Variants in FSTL5 observed in about 807,000 individuals in gnomAD.
The protein encoded by FSTL5 is follistatin-related protein 5.
FSTL5 carries 62 observed loss-of-function variants against 89.1 expected under a neutral mutation model. The observed-to-expected ratio is 0.70, with a 90% CI of 0.57 to 0.86. FSTL5 has a LOEUF of 0.86. FSTL5 is among the 40% of genes least tolerant of loss of function. The probability of loss-of-function intolerance (pLI) is 0.00; values close to 1 mark genes in which losing one functional copy is unlikely to be tolerated. For synonymous variants in FSTL5, 383 were observed against 346.2 expected, an observed-to-expected ratio of 1.11 and a Z score of -1.18; for missense variants, 1,057 against 1,001.6, an observed-to-expected ratio of 1.06 and a Z score of -0.75.
intron 3 of FSTL5, among the ~76,000 whole-genome samples, chr4:161,977,627 A>ATAATAAT (rs1553988105): frequency 2.1e-4 from 19 of 92,314 alleles, no homozygotes; most frequent in South Asian, 1.0e-3. Flanking sequence ...AAAAAAAAAA[A>ATAATAAT]AAAAAAAAAA....
chr4:161,685,947 TGA>T (rs1292953488), intron 6 of FSTL5, among the ~76,000 whole-genome samples: 1 of 152,156 alleles, frequency 6.6e-6, no homozygotes, highest in Non-Finnish European at 1.5e-5. Context: ...CCAATTTTGC[TGA>T]GAGTTTTAAT....
intron 12 of FSTL5, among the ~76,000 whole-genome samples, chr4:161,481,761 C>T (rs994669565): frequency 6.6e-5 from 10 of 152,162 alleles, no homozygotes; most frequent in Non-Finnish European, 1.2e-4. Context: ...TATTCTGCTT[C>T]CTTACCTTAG....
intron 4 of FSTL5, among the ~76,000 whole-genome samples, chr4:161,831,557 T>C (rs1730845457): frequency 6.6e-6 from 1 of 151,934 alleles, no homozygotes; most frequent in African/African-American, 2.4e-5. Context: ...CACATCACGC[T>C]CATCAATTTT....
At position 161,606,609 on chromosome 4, in the gene FSTL5, C is replaced by G. The variant is rs553520844; in HGVS notation, c.895-19034G>C. Among the ~76,000 whole-genome samples the G allele has an allele frequency of 3.3e-5, 5 of 152,206 alleles. No individual in the cohort carries two copies. The East Asian group carries it at 7.7e-4, about 24-fold the overall frequency. ...TTACCTTAAGCTGAGATTTCTTTCT[C>G]AGTTGATCACCTTTTAAAAGTTAAT... On this transcript the variant is annotated intron_variant, in intron 7 of 15. Coordinates refer to ENST00000306100, the MANE Select transcript of FSTL5 (RefSeq NM_020116.5).
chr4:161,682,526 C>T (rs552184197), intron 6 of FSTL5, among the ~76,000 whole-genome samples: 72 of 152,046 alleles, frequency 4.7e-4, no homozygotes, highest in African/African-American at 1.6e-3. Flanking sequence ...TTTTAAAATT[C>T]GGAAAACTTT....
chr4:162,099,230 C>T (rs1730888895), intron 2 of FSTL5, among the ~76,000 whole-genome samples: 1 of 152,034 alleles, frequency 6.6e-6, no homozygotes, highest in African/African-American at 2.4e-5. Context: ...TAAGTGTCTA[C>T]ATACATCCAA....
intron 1 of FSTL5, among the ~76,000 whole-genome samples, chr4:162,128,431 C>T (rs1258650616): frequency 1.3e-5 from 2 of 152,246 alleles, no homozygotes; most frequent in East Asian, 1.9e-4. Context: ...GAACAGTACC[C>T]TTATGAAAAA....
chr4:161,806,712 T>G (rs1729977278), intron 4 of FSTL5, among the ~76,000 whole-genome samples: 1 of 152,094 alleles, frequency 6.6e-6, no homozygotes, highest in Non-Finnish European at 1.5e-5. Flanking sequence ...TCAAGTAATA[T>G]AGCTTTCACA....
chr4:161,533,449 A>G lies in FSTL5; in HGVS notation c.1312+4717T>C, dbSNP rs184077441. ...CTCAGAGACTATTATGAACACCTCT[A>G]TGCACACGAATTAGAAAATCAAGAT... On this transcript the variant is annotated intron_variant, in intron 10 of 15. Transcript: ENST00000306100. 2.9e-4 allele frequency among the ~76,000 whole-genome samples: 44 copies of G among 152,262 alleles called. 1 individual carries two copies. The highest frequency in any genetic ancestry group is 1.0e-3 in the African/African-American group (42 of 41,570).
chr4:161,745,601 C>A (rs1045364300), intron 6 of FSTL5, among the ~76,000 whole-genome samples: 3 of 151,760 alleles, frequency 2.0e-5, no homozygotes, highest in Non-Finnish European at 4.4e-5. Flanking sequence ...GGAAAAGGAC[C>A]TACACTTTTG....
intron 3 of FSTL5, among the ~76,000 whole-genome samples, chr4:161,922,547 G>A (rs1734021525): frequency 6.6e-6 from 1 of 151,934 alleles, no homozygotes; most frequent in South Asian, 2.1e-4. Flanking sequence ...TCACCCCAGA[G>A]TTTCTGATTC....
At chr4:161,868,088 TTTAA>T (rs1361074717) in intron 4 of FSTL5, among the ~76,000 whole-genome samples, 3 of 151,696 alleles carry the variant, frequency 2.0e-5, no homozygotes, top group African/African-American at 7.2e-5. Context: ...CAATTTAGAA[TTTAA>T]TTAAATATGT....
At chr4:161,682,462 T>G (rs2126709936) in intron 6 of FSTL5, among the ~76,000 whole-genome samples, 1 of 152,330 alleles carries the variant, frequency 6.6e-6, no homozygotes. Context: ...ATCTTCTTTC[T>G]TTATATCTTT....
At position 161,656,992 on chromosome 4, in the gene FSTL5, G is replaced by A. The variant is rs4691020; in HGVS notation, c.728-498C>T. ...TTGAAGAAGTAAAAATCTGAAGTTC[G>A]CTGACCAAACAGCAATTAAGTAAAA... On this transcript the variant is annotated intron_variant, in intron 6 of 15. Transcript: ENST00000306100. Among the ~76,000 whole-genome samples, 914 of 152,206 alleles carry A rather than the reference G, an allele frequency of 6.0e-3. 9 individuals carry two copies. Among genetic ancestry groups the A allele is most frequent in the South Asian group, 0.045 (219 of 4,816 alleles).
chr4:161,530,023 A>G (rs1378206047), intron 10 of FSTL5, among the ~76,000 whole-genome samples: 5 of 143,134 alleles, frequency 3.5e-5, no homozygotes. Flanking sequence ...AAGATCCTAC[A>G]TAAGTGATCT....
intron 6 of FSTL5, among the ~76,000 whole-genome samples, chr4:161,743,109 T>C (rs189736207): frequency 4.7e-4 from 72 of 152,290 alleles, no homozygotes; most frequent in African/African-American, 1.6e-3. Flanking sequence ...ACCTGTGTTT[T>C]TGTTGTTATA....
At chr4:161,669,123 A>AATAAAAT (rs558116277) in intron 6 of FSTL5, among the ~76,000 whole-genome samples, 2 of 144,162 alleles carry the variant, frequency 1.4e-5, no homozygotes, top group African/African-American at 5.1e-5. Context: ...AAAAAAAAAA[A>AATAAAAT]AAAATAAAAT....
intron 2 of FSTL5, among the ~76,000 whole-genome samples, chr4:162,055,306 A>G (rs1023925019): frequency 6.6e-6 from 1 of 151,794 alleles, no homozygotes; most frequent in Non-Finnish European, 1.5e-5. Flanking sequence ...AATATATACA[A>G]ATGAATTACA....
At chr4:162,029,149 G>A (rs1737413568) in intron 3 of FSTL5, among the ~76,000 whole-genome samples, 1 of 52,758 alleles carries the variant, frequency 1.9e-5, no homozygotes, top group Non-Finnish European at 4.5e-5. Context: ...ACATGAGGGA[G>A]AGAGAGAGAG....
Sources: gnomAD v4.1 joint callset for allele counts (sites outside exome capture counted in the v4.1 genomes callset) on GRCh38, gnomAD v4.1.1 for gene constraint, MANE v1.5 for transcripts, NCBI Gene and HGNC (gene_info 2026-07-23, HGNC 2026-07-21) for gene names.